Variants in SIPA1L3 observed in about 807,000 individuals in gnomAD.
The protein encoded by SIPA1L3 is signal induced proliferation associated 1 like 3.
In SIPA1L3, 59 loss-of-function variants were observed where a neutral mutation model predicts 150.1. The observed-to-expected ratio is 0.39, with a 90% CI of 0.32 to 0.49. The LOEUF is 0.49. SIPA1L3 is among the 20% of genes least tolerant of loss of function. The probability of loss-of-function intolerance (pLI) is 0.86; values close to 1 mark genes in which losing one functional copy is unlikely to be tolerated. For missense variants in SIPA1L3, 2,211 were observed against 2,489.5 expected, an observed-to-expected ratio of 0.89 and a Z score of 2.38; for synonymous variants, 1,070 against 1,077.6, an observed-to-expected ratio of 0.99 and a Z score of 0.14.
At chr19:38,006,989 G>C (rs943649855) in intron 1 of SIPA1L3, among the ~76,000 whole-genome samples, 1 of 152,232 alleles carries the variant, frequency 6.6e-6, no homozygotes, top group Non-Finnish European at 1.5e-5. Context: ...GTAAGGCCCT[G>C]ATAAGAGGGG....
At chr19:38,033,669 ACGTATGTGTGTGTG>A (rs1482523285) in intron 2 of SIPA1L3, among the ~76,000 whole-genome samples, 1 of 149,368 alleles carries the variant, frequency 6.7e-6, no homozygotes, top group Non-Finnish European at 1.5e-5. Flanking sequence ...CGAGAGAGAT[ACGTATGTGTGTGTG>A]TGTGTGTGTG....
chr19:38,111,810 C>T (rs2145879155), intron 8 of SIPA1L3, among the ~76,000 whole-genome samples: 1 of 152,380 alleles, frequency 6.6e-6, no homozygotes, highest in East Asian at 1.9e-4. Flanking sequence ...AGAGTGCCTG[C>T]ACCTCAGGCC....
chr19:38,126,227 A>G (rs925645222), intron 9 of SIPA1L3, among the ~76,000 whole-genome samples: 6 of 152,250 alleles, frequency 3.9e-5, no homozygotes, highest in Admixed American at 2.6e-4. Flanking sequence ...ACACCACGCA[A>G]TTGAAGTGCC....
chr19:38,087,974 C>T (rs1047557971), intron 3 of SIPA1L3, among the ~76,000 whole-genome samples: 4 of 152,068 alleles, frequency 2.6e-5, no homozygotes, highest in East Asian at 1.9e-4. Context: ...GCCGAGATCG[C>T]GCCAATGCCC....
intron 2 of SIPA1L3, among the ~76,000 whole-genome samples, chr19:38,057,338 A>ACG (rs1213891538): frequency 2.0e-5 from 3 of 149,958 alleles, no homozygotes; most frequent in Non-Finnish European, 3.0e-5. Flanking sequence ...ACACACACAC[A>ACG]CGTATATATA....
chr19:38,005,425 G>T (rs1347884122), intron 1 of SIPA1L3, among the ~76,000 whole-genome samples: 1 of 151,844 alleles, frequency 6.6e-6, no homozygotes, highest in Non-Finnish European at 1.5e-5. Context: ...AATGCACCAT[G>T]TCTTCGCCTT....
chr19:38,086,525 G>A (rs1223325063), intron 3 of SIPA1L3, among the ~76,000 whole-genome samples: 1 of 152,052 alleles, frequency 6.6e-6, no homozygotes, highest in African/African-American at 2.4e-5. Context: ...TCAAAAAAAG[G>A]TTAAAAATTT....
chr19:38,078,438 GCACACACACACA>G lies in SIPA1L3; in HGVS notation c.-310-2797_-310-2786del, dbSNP rs66830496. Among the ~76,000 whole-genome samples, 275 of 139,004 alleles carry G rather than the reference GCACACACACACA, an allele frequency of 2.0e-3. 5 individuals are homozygous for G. In the East Asian group the frequency reaches 0.02, roughly 10 times the overall value. The allele number at this position is 139,004 out of a possible 152,430, so 91.2% of individuals were successfully genotyped here. The stretch of plus-strand genomic sequence containing the variant: ...AGCCCCCCTACACATGCGCATACAT[GCACACACACACA>G]CACACACACACACACACACAGGCAC... On this transcript the variant is annotated intron_variant, in intron 2 of 21. Coordinates refer to ENST00000222345, the MANE Select transcript of SIPA1L3 (RefSeq NM_015073.3).
chr19:37,933,547 C>T (rs1004676193), intron 1 of SIPA1L3, among the ~76,000 whole-genome samples: 2 of 152,166 alleles, frequency 1.3e-5, no homozygotes, highest in Middle Eastern at 3.2e-3. Context: ...GTGGTAGATG[C>T]GGGCTAAATT....
intron 1 of SIPA1L3, among the ~76,000 whole-genome samples, chr19:37,957,541 TTTTTTTTTC>T (rs1038585125): frequency 1.2e-4 from 18 of 148,348 alleles, no homozygotes; most frequent in Non-Finnish European, 2.3e-4. Flanking sequence ...GTGAATGGAA[TTTTTTTTTC>T]TTTTTTTTCT....
At chr19:38,040,122 A>G (rs1208282469) in intron 2 of SIPA1L3, among the ~76,000 whole-genome samples, 1 of 152,248 alleles carries the variant, frequency 6.6e-6, no homozygotes, top group Non-Finnish European at 1.5e-5. Flanking sequence ...CAAGGAAAAA[A>G]GAGAAAATTG....
chr19:37,980,977 A>G (rs573988732), intron 1 of SIPA1L3, among the ~76,000 whole-genome samples: 124 of 152,300 alleles, frequency 8.1e-4, no homozygotes, highest in African/African-American at 2.9e-3. Context: ...TTCAGTAGAC[A>G]CAGTCGTAGT....
At chr19:37,954,255 G>T (rs1172396609) in intron 1 of SIPA1L3, among the ~76,000 whole-genome samples, 1 of 152,080 alleles carries the variant, frequency 6.6e-6, no homozygotes, top group African/African-American at 2.4e-5. Flanking sequence ...TGACATTCAT[G>T]ATCCTACTAT....
At chr19:38,080,969 C>G (rs868810265) in intron 2 of SIPA1L3, among the ~76,000 whole-genome samples, 15 of 117,532 alleles carry the variant, frequency 1.3e-4, no homozygotes, top group Non-Finnish European at 2.2e-4. Context: ...GACTCTGTCT[C>G]AAAAAAAAAA....
chr19:38,105,542 TAGAG>T (rs1970603616), intron 6 of SIPA1L3, among the ~76,000 whole-genome samples: 1 of 152,124 alleles, frequency 6.6e-6, no homozygotes, highest in African/African-American at 2.4e-5. Context: ...TCCCTCCTAT[TAGAG>T]AGAACTCATA....
At chr19:38,136,127 A>C (rs905312626) in intron 10 of SIPA1L3, among the ~76,000 whole-genome samples, 7 of 126,018 alleles carry the variant, frequency 5.6e-5, no homozygotes, top group Non-Finnish European at 1.1e-4. Context: ...GCTGGAGTGC[A>C]GTGGTGTGAG....
At chr19:38,008,935 C>G (rs975657114) in intron 1 of SIPA1L3, among the ~76,000 whole-genome samples, 1 of 152,142 alleles carries the variant, frequency 6.6e-6, no homozygotes, top group East Asian at 1.9e-4. Context: ...GCCTGTGAAG[C>G]ACTGAGGAGC....
chr19:38,039,977 G>A (rs1280970518), intron 2 of SIPA1L3, among the ~76,000 whole-genome samples: 1 of 152,138 alleles, frequency 6.6e-6, no homozygotes, highest in African/African-American at 2.4e-5. Context: ...GCCAAGTGTG[G>A]TGGTGTGTGC....
intron 9 of SIPA1L3, among the ~76,000 whole-genome samples, chr19:38,122,750 G>A (rs986871362): frequency 1.3e-5 from 2 of 152,228 alleles, no homozygotes; most frequent in African/African-American, 4.8e-5. Flanking sequence ...TCATGCGCAT[G>A]CTAGGGCGGC....
Sources: gnomAD v4.1 joint callset for allele counts (sites outside exome capture counted in the v4.1 genomes callset) on GRCh38, gnomAD v4.1.1 for gene constraint, MANE v1.5 for transcripts, NCBI Gene and HGNC (gene_info 2026-07-23, HGNC 2026-07-21) for gene names.